ZMYM1: variants seen among roughly 807,000 people sequenced by gnomAD.
The protein encoded by ZMYM1 is zinc finger MYM-type containing 1.
Under a neutral mutation model 60.0 loss-of-function variants are expected in ZMYM1, and 39 were observed. The ratio of observed to expected loss-of-function variants is 0.65; its 90% CI spans 0.50 to 0.85. The LOEUF is 0.85. Among genes scored for constraint, ZMYM1 ranks in the 40% least tolerant of loss-of-function variants. The pLI is 0.00. For synonymous variants in ZMYM1, 413 were observed against 454.0 expected (o/e 0.91, Z 1.15); for missense variants, 1,171 against 1,309.5 (o/e 0.89, Z 1.63).
intron 4 of ZMYM1, among the ~76,000 whole-genome samples, chr1:35,101,267 C>T (rs1398123002): frequency 6.6e-6 from 1 of 151,220 alleles, no homozygotes; most frequent in African/African-American, 2.4e-5. Context: ...TATCACCATG[C>T]CCCGTTAATT....
intron 1 of ZMYM1, among the ~76,000 whole-genome samples, chr1:35,068,922 C>T (rs1402997580): frequency 1.3e-5 from 2 of 152,014 alleles, no homozygotes; most frequent in East Asian, 1.9e-4. Context: ...CTGCAATCTC[C>T]GCCTCCTAGG....
intron 2 of ZMYM1, among the ~76,000 whole-genome samples, chr1:35,094,367 A>G (rs929066960): frequency 3.9e-5 from 6 of 152,204 alleles, no homozygotes; most frequent in African/African-American, 1.4e-4. Flanking sequence ...TTCTTTTGCC[A>G]GATTCTACTT....
In ZMYM1 at chr1:35,094,009, G is replaced by C. The variant is rs1018207348; in HGVS notation, c.22G>C (p.Gly8Arg). 3.1e-6 allele frequency: 5 copies of C among 1,608,930 alleles called. No homozygotes were observed. The highest frequency in any genetic ancestry group is 1.3e-5 in the African/African-American group (1 of 74,668). Residue 8 changes from glycine (G) to arginine (R), a missense_variant, in exon 2 of 10, where the codon GGT (glycine) becomes CGT (arginine). Physicochemically the swap from Gly to Arg is moderately radical, Grantham distance 125 (BLOSUM62 -2). Transcript: ENST00000359858. MKEPLLG[G>R]ECDKAVASQL... ...TAAAATGAAAGAACCACTTTTAGGTGGTGAGTGTGACAAGGCAGTGGCATC... is the reference window on the plus strand; with the variant it reads ...TAAAATGAAAGAACCACTTTTAGGTCGTGAGTGTGACAAGGCAGTGGCATC...
intron 1 of ZMYM1, among the ~76,000 whole-genome samples, chr1:35,066,869 A>T (rs1641980938): frequency 6.6e-6 from 1 of 152,196 alleles, no homozygotes; most frequent in Admixed American, 6.6e-5. Flanking sequence ...TCTCAGCAGA[A>T]TTTTTTTGTA....
At chr1:35,108,307 G>A (rs549768456) in intron 6 of ZMYM1, among the ~76,000 whole-genome samples, 20 of 152,156 alleles carry the variant, frequency 1.3e-4, no homozygotes, top group Middle Eastern at 6.8e-3. Flanking sequence ...AAAATAAAAC[G>A]TATATGTATT....
At chr1:35,096,177 T>C (rs1448936554) in intron 3 of ZMYM1, among the ~76,000 whole-genome samples, 2 of 152,042 alleles carry the variant, frequency 1.3e-5, no homozygotes, top group Non-Finnish European at 1.5e-5. Flanking sequence ...CCAGGCGTGG[T>C]GGCGCATGCC....
At chr1:35,079,619 C>A (rs982122402) in intron 1 of ZMYM1, among the ~76,000 whole-genome samples, 177 bp downstream of exon 1, 1 of 152,128 alleles carries the variant, frequency 6.6e-6, no homozygotes, top group Non-Finnish European at 1.5e-5. Context: ...CAGGCCCTGA[C>A]GTGGATTGTG....
intron 1 of ZMYM1, among the ~76,000 whole-genome samples, chr1:35,066,932 A>T (rs543559715): frequency 6.6e-6 from 1 of 152,326 alleles, no homozygotes; most frequent in East Asian, 1.9e-4. Flanking sequence ...GAACTAAAAT[A>T]GTCAAAACAA....
At chr1:35,088,395 G>A (rs1347221855) in intron 1 of ZMYM1, among the ~76,000 whole-genome samples, 1 of 149,006 alleles carries the variant, frequency 6.7e-6, no homozygotes, top group African/African-American at 2.5e-5. Context: ...TCCAGCATGG[G>A]CAACAGAGTG....
chr1:35,089,820 A>G (rs1195741255), intron 1 of ZMYM1, among the ~76,000 whole-genome samples: 5 of 119,192 alleles, frequency 4.2e-5, no homozygotes, highest in South Asian at 5.8e-4. Flanking sequence ...ATCTTGGTTC[A>G]CTGCAAGGTC....
chr1:35,113,438 C>G lies in ZMYM1; in HGVS notation c.1608C>G (p.Val536=). The part of the protein sequence containing the change: ...WREYQFCDGA[V]SDDLSIHSKQ... ...AATACCAATTTTGTGATGGAGCTGTCAGTGACGATTTATCTATTCATTCGA... is the reference window on the plus strand; with the variant it reads ...AATACCAATTTTGTGATGGAGCTGTGAGTGACGATTTATCTATTCATTCGA... Residue 536 remains valine, a synonymous_variant, in exon 10 of 10, where the codon GTC becomes GTG. Coordinates refer to ENST00000359858, the MANE Select transcript of ZMYM1 (RefSeq NM_024772.5). 6.2e-7 allele frequency: 1 copy of G among 1,613,724 alleles called. No homozygotes were observed. Among genetic ancestry groups the G allele is most frequent in the Non-Finnish European group, 8.5e-7 (1 of 1,179,944 alleles).
intron 1 of ZMYM1, among the ~76,000 whole-genome samples, chr1:35,062,408 T>C (rs530469180): frequency 6.6e-6 from 1 of 152,338 alleles, no homozygotes; most frequent in Non-Finnish European, 1.5e-5. Flanking sequence ...ACCTAGCTTT[T>C]TCCAGTAATG....
chr1:35,080,211 G>GTCTA (rs551308183), intron 1 of ZMYM1, among the ~76,000 whole-genome samples: 1 of 151,940 alleles, frequency 6.6e-6, no homozygotes, highest in South Asian at 2.1e-4. Flanking sequence ...CATGACCCAT[G>GTCTA]TCTACTTTTC....
intron 6 of ZMYM1, 22 bp from the exon 7 acceptor site, chr1:35,110,272 T>C (rs771285528): frequency 1.4e-6 from 2 of 1,458,150 alleles, no homozygotes; most frequent in Non-Finnish European, 1.8e-6. Flanking sequence ...GGAATATGAA[T>C]ATTATTTTAA....
chr1:35,064,686 C>CTTTT (rs34080777), intron 1 of ZMYM1, among the ~76,000 whole-genome samples: 14 of 112,988 alleles, frequency 1.2e-4, no homozygotes, highest in South Asian at 5.5e-4. Flanking sequence ...CAATATATTT[C>CTTTT]TTTTTTTTTT....
rs1432538617 is a variant in ZMYM1 at position 35,097,121 on chromosome 1, G to A, written c.170-196G>A. On this transcript the variant is annotated intron_variant, in intron 3 of 9. Coordinates refer to ENST00000359858, the MANE Select transcript of ZMYM1 (RefSeq NM_024772.5). ...TTACAGGCGTGAGCCACCGCACCAG[G>A]TGGTGAGAGGGTCACTTGAGTACAG... is the stretch of plus-strand genomic sequence containing the variant. 3.9e-5 allele frequency among the ~76,000 whole-genome samples: 6 copies of A among 152,178 alleles called. No individual in the cohort carries two copies. In the South Asian group the frequency reaches 6.2e-4, roughly 16 times the overall value.
At chr1:35,102,580 C>T (rs1643717356) in intron 4 of ZMYM1, among the ~76,000 whole-genome samples, 2 of 152,042 alleles carry the variant, frequency 1.3e-5, no homozygotes, top group Admixed American at 6.6e-5. Context: ...TTATTGTTGG[C>T]GATAAATACT....
In ZMYM1 at chr1:35,115,028, C is replaced by T. The variant is rs186293376; in HGVS notation, c.3198C>T (p.Leu1066=). 48 of 1,613,870 alleles carry T rather than the reference C, an allele frequency of 3.0e-5. No homozygotes were observed. Among genetic ancestry groups the T allele is most frequent in the Non-Finnish European group, 3.7e-5 (44 of 1,179,898 alleles). ...GTCTTCACAGTAATATTCCTTGTCT[C>T]TCAAAGCTATTATATATTGCTTTGT... ...QHGLHSNIPC[L]SKLLYIALSW... Residue 1066 remains leucine (L), a synonymous_variant, in exon 10 of 10, where the codon CTC becomes CTT. Transcript: ENST00000359858.
At chr1:35,117,815 C>A (rs993848989), downstream of ZMYM1, among the ~76,000 whole-genome samples, 3 of 152,012 alleles carry the variant, frequency 2.0e-5, no homozygotes, top group African/African-American at 7.2e-5. Flanking sequence ...TGGCACATGC[C>A]TGTAATACCA....
Sources: allele counts gnomAD v4.1 joint callset (sites outside exome capture counted in the v4.1 genomes callset), GRCh38; gene constraint gnomAD v4.1.1; transcripts MANE v1.5; gene names NCBI Gene and HGNC (gene_info 2026-07-23, HGNC 2026-07-21).